Variants in PDK1 observed in about 807,000 individuals in gnomAD.
PDK1 encodes the protein pyruvate dehydrogenase kinase 1, also known as [Pyruvate dehydrogenase (acetyl-transferring)] kinase isozyme 1, mitochondrial.
Under a neutral mutation model 54.2 loss-of-function variants are expected in PDK1, and 39 were observed. That is an observed-to-expected ratio of 0.72 (90% CI 0.56 to 0.94). The LOEUF is 0.94. Among genes scored for constraint, PDK1 ranks in the 40% least tolerant of loss-of-function variants. PDK1 has a pLI of 0.00. For missense variants in PDK1, 552 were observed against 566.0 expected, an observed-to-expected ratio of 0.98 and a Z score of 0.25; for synonymous variants, 221 against 207.1, an observed-to-expected ratio of 1.07 and a Z score of -0.58.
intron 8 of PDK1, 59 bp from the exon 9 acceptor site, chr2:172,586,219 G>A: frequency 2.1e-6 from 2 of 948,214 alleles, no homozygotes; most frequent in Non-Finnish European, 3.5e-6. Context: ...ATGAGTATGT[G>A]TTGATATTTT....
the PDK1 span, among the ~76,000 whole-genome samples, chr2:172,720,808 CA>C: frequency 6.6e-6 from 1 of 152,138 alleles, no homozygotes; most frequent in Non-Finnish European, 1.5e-5. Context: ...GTTCTTCCCC[CA>C]AGGCTAGAGG....
At chr2:172,684,997 G>C in the PDK1 span, among the ~76,000 whole-genome samples, 1 of 152,138 alleles carries the variant, frequency 6.6e-6, no homozygotes. Flanking sequence ...CATGAGATCT[G>C]ATGGTTTTAT....
the PDK1 span, among the ~76,000 whole-genome samples, chr2:172,668,280 T>A: frequency 1.4e-5 from 1 of 69,860 alleles, no homozygotes; most frequent in Middle Eastern, 7.4e-3. Flanking sequence ...CTTTCTTTAT[T>A]TTTTTTTTTT....
chr2:172,691,869 T>A, the PDK1 span, among the ~76,000 whole-genome samples: 1 of 152,262 alleles, frequency 6.6e-6, no homozygotes, highest in Admixed American at 6.5e-5. Context: ...ACAAAGCTGC[T>A]ATAAACATCC....
At position 172,595,980 on chromosome 2, in the gene PDK1, G is replaced by A. The variant is rs779780730; in HGVS notation, c.*11G>A. The A allele has an allele frequency of 6.3e-7, 1 of 1,599,698 alleles. No individual in the cohort carries two copies. The highest frequency in any genetic ancestry group is 8.5e-7 in the Non-Finnish European group (1 of 1,171,122). The stretch of plus-strand genomic sequence containing the variant: ...TTCCGCAGTGCCTAGACACACTTGG[G>A]ACATCGGAAAATCCAAATGTGGCTT... On this transcript the variant is annotated 3_prime_UTR_variant, in exon 11 of 11. Coordinates refer to ENST00000282077, the MANE Select transcript of PDK1 (RefSeq NM_002610.5).
At chr2:172,703,984 G>A in the PDK1 span, among the ~76,000 whole-genome samples, 2 of 151,892 alleles carry the variant, frequency 1.3e-5, no homozygotes, top group African/African-American at 2.4e-5. Context: ...ATGTTAGCTA[G>A]GCTGGTCTCG....
chr2:172,632,730 C>G, the PDK1 span, among the ~76,000 whole-genome samples: 1 of 151,672 alleles, frequency 6.6e-6, no homozygotes, highest in Admixed American at 6.6e-5. Context: ...GCCTGTAATC[C>G]CAGTACTTTG....
intron 2 of PDK1, among the ~76,000 whole-genome samples, chr2:172,559,794 C>T (rs1456355344): frequency 6.6e-6 from 1 of 152,190 alleles, no homozygotes; most frequent in Non-Finnish European, 1.5e-5. Context: ...GGTGATCCTC[C>T]CACCTTGGCT....
chr2:172,618,632 A>G, the PDK1 span, among the ~76,000 whole-genome samples: 1 of 152,242 alleles, frequency 6.6e-6, no homozygotes, highest in Non-Finnish European at 1.5e-5. Context: ...GAAATCGTCA[A>G]GCTATTGTCT....
the PDK1 span, among the ~76,000 whole-genome samples, chr2:172,614,052 C>G: frequency 6.6e-6 from 1 of 152,152 alleles, no homozygotes; most frequent in Non-Finnish European, 1.5e-5. Context: ...TGTGGACAAG[C>G]AGGAGCCCTG....
At chr2:172,696,178 A>AG in the PDK1 span, among the ~76,000 whole-genome samples, 1 of 150,878 alleles carries the variant, frequency 6.6e-6, no homozygotes, top group Admixed American at 6.6e-5. Flanking sequence ...GTCTCAAAAA[A>AG]AAAAAAAAAA....
the PDK1 span, among the ~76,000 whole-genome samples, chr2:172,647,343 T>C: frequency 6.6e-6 from 1 of 152,132 alleles, no homozygotes; most frequent in South Asian, 2.1e-4. Context: ...AGCCAGCTTC[T>C]TGGTCAGGAC....
At chr2:172,570,894 C>T (rs2149232173) in intron 8 of PDK1, 70 bp downstream of exon 8, 2 of 827,330 alleles carry the variant, frequency 2.4e-6, no homozygotes. Context: ...GCAAAGGTAA[C>T]CATACGCATA....
chr2:172,709,953 A>G, the PDK1 span, among the ~76,000 whole-genome samples: 1 of 152,192 alleles, frequency 6.6e-6, no homozygotes, highest in East Asian at 1.9e-4. Context: ...ACGAAATTGC[A>G]GTAAAGAAAA....
At chr2:172,690,672 C>T in the PDK1 span, among the ~76,000 whole-genome samples, 5 of 150,086 alleles carry the variant, frequency 3.3e-5, 1 homozygote, top group African/African-American at 2.4e-5. Context: ...TACGCAGCCA[C>T]GAAAAAGGAT....
chr2:172,679,282 A>C, the PDK1 span, among the ~76,000 whole-genome samples: 2 of 151,904 alleles, frequency 1.3e-5, no homozygotes. Flanking sequence ...CCTGTCTCTA[A>C]ATTTTTTTTT....
At chr2:172,700,265 G>C in the PDK1 span, among the ~76,000 whole-genome samples, 1 of 152,092 alleles carries the variant, frequency 6.6e-6, no homozygotes. Flanking sequence ...TCAATGAGCT[G>C]TTGGGTACAC....
In PDK1 at chr2:172,556,215, C is replaced by T. The variant is rs1688311215; in HGVS notation, c.65C>T (p.Ala22Val). 2.1e-6 allele frequency: 3 copies of T among 1,421,854 alleles called. 1 individual carries two copies. Among genetic ancestry groups the T allele is most frequent in the East Asian group, 3.0e-5 (1 of 32,948 alleles). The allele number at this position is 1,421,854 out of a possible 1,614,324, so 88.1% of individuals were successfully genotyped here. A position where few individuals can be genotyped will look rare whatever the true frequency, so the allele number is the denominator to read the frequency against. The change falls in exon 1 of 11, where the codon GCC becomes GTC. Residue 22 changes from alanine to valine, a missense_variant. Transcript: ENST00000282077. ...GGCCCGGGCCCGGGGCTGCGCGCCG[C>T]CGGCTTCAGCCGCAGCTTCAGCTCG... is the stretch of plus-strand genomic sequence containing the variant. ...LAGPGPGLRA[A>V]GFSRSFSSDS...
the PDK1 span, among the ~76,000 whole-genome samples, chr2:172,686,402 CA>C: frequency 6.6e-6 from 1 of 152,182 alleles, no homozygotes. Flanking sequence ...ATGCACCAAT[CA>C]GTGCTCTGTA....
Sources: allele counts gnomAD v4.1 joint callset (sites outside exome capture counted in the v4.1 genomes callset), GRCh38; gene constraint gnomAD v4.1.1; transcripts MANE v1.5; gene names NCBI Gene and HGNC (gene_info 2026-07-23, HGNC 2026-07-21).